The following PCDH15 variants were observed in gnomAD, a reference collection of about 807,000 sequenced individuals.
PCDH15 encodes the protein protocadherin-15.
In PCDH15, 129 loss-of-function variants were observed where a neutral mutation model predicts 178.5. The observed-to-expected ratio is 0.72, with a 90% CI of 0.63 to 0.84. The LOEUF is 0.84. Among genes scored for constraint, PCDH15 ranks in the 40% least tolerant of loss-of-function variants. The pLI is 0.00. For missense variants in PCDH15, 2,230 were observed against 2,099.9 expected, an observed-to-expected ratio of 1.06 and a Z score of -1.21; for synonymous variants, 800 against 732.0, an observed-to-expected ratio of 1.09 and a Z score of -1.50.
chr10:55,496,069 G>A lies in PCDH15; in HGVS notation c.-156+131556C>T, dbSNP rs192373877. On this transcript the variant is annotated intron_variant, in intron 2 of 5. Transcript: ENST00000613346. ...GCTGCAAATGGGCTGAATATTTTGG[G>A]GAGGAGGAAAAATAATTTTAGATTT... Among the ~76,000 whole-genome samples the A allele has an allele frequency of 3.3e-3, 501 of 151,902 alleles. 5 individuals are homozygous for A. The highest frequency in any genetic ancestry group is 0.012 in the African/African-American group (477 of 41,468).
chr10:54,529,950 T>C (rs1472707506), intron 2 of PCDH15, among the ~76,000 whole-genome samples: 1 of 152,006 alleles, frequency 6.6e-6, no homozygotes, highest in African/African-American at 2.4e-5. Context: ...GCCAATGCCA[T>C]AATACCTACT....
At chr10:54,796,580 CT>C (rs963970433) in intron 1 of PCDH15, among the ~76,000 whole-genome samples, 10 of 151,798 alleles carry the variant, frequency 6.6e-5, no homozygotes, top group Non-Finnish European at 1.5e-4. Flanking sequence ...CCTATCTCCA[CT>C]TCTCTCTCTT....
intron 2 of PCDH15, among the ~76,000 whole-genome samples, chr10:55,110,630 C>T (rs1837477631): frequency 6.7e-6 from 1 of 150,300 alleles, no homozygotes; most frequent in Admixed American, 6.6e-5. Flanking sequence ...AAAATAAAAC[C>T]ACCAAAATAA....
chr10:54,547,297 A>G (rs1389271327), intron 2 of PCDH15, among the ~76,000 whole-genome samples: 1 of 152,176 alleles, frequency 6.6e-6, no homozygotes, highest in Non-Finnish European at 1.5e-5. Context: ...ATCTTCTGTC[A>G]CTATTCTCTT....
chr10:54,850,215 G>A (rs1953592503), intron 3 of PCDH15, among the ~76,000 whole-genome samples: 1 of 152,076 alleles, frequency 6.6e-6, no homozygotes, highest in Admixed American at 6.6e-5. Context: ...TCTCTCAGCA[G>A]CATTTACATC....
At chr10:54,139,865 TA>T (rs1222429710) in intron 14 of PCDH15, among the ~76,000 whole-genome samples, 1 of 152,076 alleles carries the variant, frequency 6.6e-6, no homozygotes, top group Non-Finnish European at 1.5e-5. Context: ...ACAATTTTTA[TA>T]AGAAAAGATT....
chr10:55,024,180 G>T (rs1211349998), intron 2 of PCDH15, among the ~76,000 whole-genome samples: 6 of 145,808 alleles, frequency 4.1e-5, no homozygotes, highest in African/African-American at 1.2e-4. Flanking sequence ...TATATATAGA[G>T]AGAGGAAGGA....
At chr10:54,856,010 C>G (rs1239268534) in intron 3 of PCDH15, among the ~76,000 whole-genome samples, 2 of 152,156 alleles carry the variant, frequency 1.3e-5, no homozygotes, top group East Asian at 1.9e-4. Flanking sequence ...GGAATAGAAA[C>G]AGTATCAATT....
At chr10:54,826,687 T>C (rs543932255) in intron 3 of PCDH15, among the ~76,000 whole-genome samples, 2 of 152,070 alleles carry the variant, frequency 1.3e-5, no homozygotes, top group South Asian at 2.1e-4. Context: ...ACCATACAAA[T>C]AACCTGTAAG....
intron 21 of PCDH15, among the ~76,000 whole-genome samples, chr10:53,968,907 G>A (rs954933083): frequency 3.3e-5 from 5 of 152,126 alleles, no homozygotes; most frequent in Admixed American, 2.6e-4. Flanking sequence ...GGAGAAACCA[G>A]AGCAGAAAAG....
chr10:54,790,651 C>T (rs1046693179), intron 1 of PCDH15, among the ~76,000 whole-genome samples: 1 of 151,820 alleles, frequency 6.6e-6, no homozygotes, highest in Non-Finnish European at 1.5e-5. Context: ...ACTTAAAATC[C>T]ACCCACACAG....
chr10:54,404,600 C>T (rs1237312934), intron 3 of PCDH15, among the ~76,000 whole-genome samples: 1 of 151,720 alleles, frequency 6.6e-6, no homozygotes, highest in Non-Finnish European at 1.5e-5. Flanking sequence ...GCAAAGATGG[C>T]ATGACCAAGA....
chr10:54,150,265 T>C (rs927653624), intron 14 of PCDH15, among the ~76,000 whole-genome samples: 2 of 151,994 alleles, frequency 1.3e-5, no homozygotes. Flanking sequence ...GAGGAGGAAA[T>C]CTAGTTTAAA....
intron 3 of PCDH15, among the ~76,000 whole-genome samples, chr10:54,394,288 CG>C (rs1565165027): frequency 1.3e-5 from 2 of 151,480 alleles, no homozygotes; most frequent in African/African-American, 4.9e-5. Flanking sequence ...ATAAAATTAT[CG>C]GGGAACCTGC....
intron 2 of PCDH15, among the ~76,000 whole-genome samples, chr10:55,001,751 G>A (rs1289356509): frequency 6.6e-6 from 1 of 152,152 alleles, no homozygotes; most frequent in Non-Finnish European, 1.5e-5. Flanking sequence ...GCCAGGCCAA[G>A]TAGGTGGAAT....
intron 17 of PCDH15, among the ~76,000 whole-genome samples, chr10:54,069,977 G>C (rs2174717): frequency 0.34 from 51,082 of 151,784 alleles, 8,794 homozygotes; most frequent in African/African-American, 0.4. Flanking sequence ...AAAAAGTTAC[G>C]TATTTTCCAT....
At chr10:54,773,685 A>G (rs1283073488) in intron 1 of PCDH15, among the ~76,000 whole-genome samples, 3 of 152,164 alleles carry the variant, frequency 2.0e-5, no homozygotes, top group African/African-American at 7.2e-5. Context: ...AATATGTTAA[A>G]CCATTACCAA....
chr10:55,322,052 C>A (rs944046532), upstream of PCDH15, among the ~76,000 whole-genome samples: 1 of 152,140 alleles, frequency 6.6e-6, no homozygotes, highest in African/African-American at 2.4e-5. Context: ...AGTCTCACCT[C>A]GAATTGTAAT....
chr10:54,745,361 T>C (rs1248002849), intron 1 of PCDH15, among the ~76,000 whole-genome samples: 5 of 97,678 alleles, frequency 5.1e-5, no homozygotes, highest in Non-Finnish European at 1.0e-4. Flanking sequence ...CAAATCCTTT[T>C]ATATACACAC....
Sources: allele counts gnomAD v4.1 joint callset (sites outside exome capture counted in the v4.1 genomes callset), GRCh38; gene constraint gnomAD v4.1.1; transcripts MANE v1.5; gene names NCBI Gene and HGNC (gene_info 2026-07-23, HGNC 2026-07-21).